Variants in ADAMTS14 observed in about 807,000 individuals in gnomAD.
ADAMTS14 encodes ADAM metallopeptidase with thrombospondin type 1 motif 14, also known as A disintegrin and metalloproteinase with thrombospondin motifs 14.
A neutral mutation model predicts 128.6 loss-of-function variants in ADAMTS14; 100 were observed. The ratio of observed to expected loss-of-function variants is 0.78; its 90% CI spans 0.66 to 0.92. The LOEUF (loss-of-function observed/expected upper bound fraction) is 0.92, where lower values mean the gene tolerates loss of function less well. Among genes scored for constraint, ADAMTS14 ranks in the 40% least tolerant of loss-of-function variants. The pLI is 0.00. For synonymous variants in ADAMTS14, 665 were observed against 653.8 expected (o/e 1.02, Z -0.26); for missense variants, 1,562 against 1,658.6 (o/e 0.94, Z 1.01).
intron 2 of ADAMTS14, among the ~76,000 whole-genome samples, chr10:70,678,091 C>T (rs1038711345): frequency 5.9e-5 from 9 of 152,212 alleles, no homozygotes; most frequent in Admixed American, 4.6e-4. Flanking sequence ...GGCCCAGACA[C>T]AGCATGCATA....
At chr10:70,714,760 C>G (rs1238426791) in intron 4 of ADAMTS14, among the ~76,000 whole-genome samples, 1 of 151,840 alleles carries the variant, frequency 6.6e-6, no homozygotes, top group East Asian at 1.9e-4. Flanking sequence ...CCAGCCTGAC[C>G]AATATGGCGA....
intron 4 of ADAMTS14, among the ~76,000 whole-genome samples, chr10:70,718,578 G>A (rs981490618): frequency 1.3e-5 from 2 of 151,850 alleles, no homozygotes; most frequent in African/African-American, 4.8e-5. Flanking sequence ...TAGTGATGGG[G>A]ATTCGCTGTG....
At chr10:70,708,919 GCTC>G in intron 4 of ADAMTS14, 141 bp downstream of exon 4, 1 of 667,380 alleles carries the variant, frequency 1.5e-6, no homozygotes, top group South Asian at 3.6e-5. Flanking sequence ...GTCATTGCTT[GCTC>G]CTTAGCCCAG....
intron 1 of ADAMTS14, 87 bp from the exon 2 acceptor site, chr10:70,674,469 T>C: frequency 5.1e-6 from 7 of 1,365,746 alleles, no homozygotes; most frequent in Non-Finnish European, 6.1e-6. Context: ...TGAGAGTTCC[T>C]ATCCCTCCCT....
chr10:70,690,680 G>A lies in ADAMTS14; in HGVS notation c.523-11632G>A, dbSNP rs144496232. On this transcript the variant is annotated intron_variant, in intron 2 of 21. Transcript: ENST00000373207. Reference sequence around the variant, plus strand: ...TCGGAGGGGAGGCCTGGCTGGGACAGTGACCTGTGGGGCCCTCTCTTGGGC... The same window carrying A: ...TCGGAGGGGAGGCCTGGCTGGGACAATGACCTGTGGGGCCCTCTCTTGGGC... Among the ~76,000 whole-genome samples the A allele has an allele frequency of 1.1e-3, 157 of 145,364 alleles. 24 individuals are homozygous for A. Among genetic ancestry groups the A allele is most frequent in the Non-Finnish European group, 1.7e-3 (110 of 63,476 alleles).
rs1315253419 is a variant in ADAMTS14 at position 70,735,235 on chromosome 10, G to C, written c.1419G>C (p.Gly473=). Reference sequence around the variant, plus strand: ...GGCCCCAGCCCCCAGAGCTGCCTGGGATCAACTACTCAATGGATGAGCAGT... The same window carrying C: ...GGCCCCAGCCCCCAGAGCTGCCTGGCATCAACTACTCAATGGATGAGCAGT... ...PAWPQPPELP[G]INYSMDEQCR... Residue 473 remains glycine, a synonymous_variant, in exon 9 of 22, where the codon GGG becomes GGC. Transcript: ENST00000373207. 1 of 1,614,082 alleles carries C rather than the reference G, an allele frequency of 6.2e-7. No homozygotes were observed. Among genetic ancestry groups the C allele is most frequent in the Admixed American group, 1.7e-5 (1 of 60,014 alleles).
Position 70,749,947 on chromosome 10 carries a change from A to G in ADAMTS14, c.2389A>G (p.Lys797Glu), listed in dbSNP as rs755528290. 2.5e-6 allele frequency: 4 copies of G among 1,614,098 alleles called. No homozygotes were observed. In the South Asian group the frequency reaches 4.4e-5, roughly 18 times the overall value. The change falls in exon 16 of 22, where the codon AAG (lysine) becomes GAG (glutamate). Residue 797 changes from lysine (K) to glutamate (E), a missense_variant. Transcript: ENST00000373207. Reference protein sequence around the residue: ...DAVEDAKESLKTSGPLPEAIA... With the variant: ...DAVEDAKESLETSGPLPEAIA... ...GGTGGAGGATGCCAAGGAAAGCCTC[A>G]AGACCAGCGGGCCCCTGCCTGAAGC...
intron 5 of ADAMTS14, 61 bp from the exon 6 acceptor site, chr10:70,730,041 C>A: frequency 6.6e-7 from 1 of 1,517,090 alleles, no homozygotes. Flanking sequence ...AGGAGAGAGG[C>A]CTGCTGTTTC....
At chr10:70,691,793 C>T (rs561683213) in intron 2 of ADAMTS14, among the ~76,000 whole-genome samples, 2 of 152,138 alleles carry the variant, frequency 1.3e-5, no homozygotes, top group Admixed American at 6.5e-5. Context: ...AAGTAAGAGG[C>T]GTGCGGTAAC....
chr10:70,760,268 C>T lies in ADAMTS14; in HGVS notation c.3179-92C>T, dbSNP rs909237392. 5.4e-6 allele frequency: 8 copies of T among 1,468,338 alleles called. No homozygotes were observed. The Admixed American group carries it at 6.8e-5, about 12-fold the overall frequency. 91.0% of individuals were successfully genotyped at this position (1,468,338 alleles called of 1,614,324 possible). On this transcript the variant is annotated intron_variant, in intron 21 of 21. Coordinates refer to ENST00000373207, the MANE Select transcript of ADAMTS14 (RefSeq NM_080722.4). ...GTCCAGCAGGGGCAGGGGTGGAGGG[C>T]GGGCAGTCAGTGGGTAAGTGGGAGG... is the stretch of plus-strand genomic sequence containing the variant.
At chr10:70,719,318 T>C (rs1176227439) in intron 4 of ADAMTS14, among the ~76,000 whole-genome samples, 1 of 151,920 alleles carries the variant, frequency 6.6e-6, no homozygotes, top group African/African-American at 2.4e-5. Context: ...GAGAGTTTTA[T>C]GGTTCACACA....
chr10:70,743,555 G>A lies in ADAMTS14; in HGVS notation c.1932G>A (p.Gln644=). 6.2e-7 allele frequency: 1 copy of A among 1,612,168 alleles called. No homozygotes were observed. Among genetic ancestry groups the A allele is most frequent in the South Asian group, 1.1e-5 (1 of 90,856 alleles). Residue 644 remains glutamine (Q), a synonymous_variant, in exon 13 of 22, where the codon CAG becomes CAA. Transcript: ENST00000373207. ...TAGTCCCTCTCCCTACAGACGCCCA[G>A]AAGTGTGAGCTGATCTGCCAGTCGG... is the stretch of plus-strand genomic sequence containing the variant. ...WVPYEPDDDA[Q]KCELICQSAD... is the part of the protein sequence containing the mutation.
chr10:70,699,848 G>A (rs1840442377), intron 2 of ADAMTS14, among the ~76,000 whole-genome samples: 1 of 152,100 alleles, frequency 6.6e-6, no homozygotes, highest in South Asian at 2.1e-4. Flanking sequence ...TGGAGAGTTC[G>A]CCCTCTGCTA....
At chr10:70,687,879 C>T (rs1397884231) in intron 2 of ADAMTS14, among the ~76,000 whole-genome samples, 3 of 85,262 alleles carry the variant, frequency 3.5e-5, no homozygotes, top group Non-Finnish European at 7.4e-5. Flanking sequence ...CCCCCCACCT[C>T]CCTCCTGGAC....
chr10:70,672,809 C>T lies in ADAMTS14; in HGVS notation c.7C>T (p.Pro3Ser). The part of the protein sequence containing the change: MA[P>S]LRALLSYLLP... ...CGCGTCCCAGCGCGGCCACATGGCT[C>T]CACTCCGCGCGCTGCTGTCCTACCT... is the stretch of plus-strand genomic sequence containing the variant. Residue 3 changes from proline (P) to serine (S), a missense_variant, in exon 1 of 22, where the codon CCA (proline) becomes TCA (serine). By Grantham distance (74) the Pro-to-Ser change is moderately conservative. Transcript: ENST00000373207. The T allele has an allele frequency of 6.6e-7, 1 of 1,510,480 alleles. No homozygotes were observed. The highest frequency in any genetic ancestry group is 8.8e-7 in the Non-Finnish European group (1 of 1,133,662). 93.6% of individuals were successfully genotyped at this position (1,510,480 alleles called of 1,614,324 possible).
chr10:70,731,874 C>A (rs1479817063), intron 6 of ADAMTS14, among the ~76,000 whole-genome samples: 1 of 152,096 alleles, frequency 6.6e-6, no homozygotes, highest in Non-Finnish European at 1.5e-5. Context: ...TCCTGTTTTC[C>A]CCCTGGTACC....
Position 70,674,754 on chromosome 10 carries a change from G to A in ADAMTS14, c.281G>A (p.Gly94Glu). ...RVARSPLHPGGTLWPGRVGRH... is the reference protein window; with the variant it reads ...RVARSPLHPGETLWPGRVGRH... Reference sequence around the variant, plus strand: ...GCTCGCAGCCCTCTGCACCCAGGAGGGACCCTGTGGCCTGGCAGGGTGGGG... The same window carrying A: ...GCTCGCAGCCCTCTGCACCCAGGAGAGACCCTGTGGCCTGGCAGGGTGGGG... Residue 94 changes from glycine (G) to glutamate (E), a missense_variant, in exon 2 of 22, where the codon GGG becomes GAG. Physicochemically the swap from Gly to Glu is moderately conservative, Grantham distance 98. Transcript: ENST00000373207. 2 of 1,613,450 alleles carry A rather than the reference G, an allele frequency of 1.2e-6. No homozygotes were observed. Among genetic ancestry groups the A allele is most frequent in the Non-Finnish European group, 1.7e-6 (2 of 1,179,958 alleles).
rs1281366021 is a variant in ADAMTS14, at chr10:70,740,974, G to A, written c.1749-13G>A. 6.2e-7 allele frequency: 1 copy of A among 1,612,542 alleles called. No individual in the cohort carries two copies. Among genetic ancestry groups the A allele is most frequent in the Non-Finnish European group, 8.5e-7 (1 of 1,178,940 alleles). On this transcript the variant is annotated splice_polypyrimidine_tract_variant and intron_variant, in intron 11 of 21. Coordinates refer to ENST00000373207, the MANE Select transcript of ADAMTS14 (RefSeq NM_080722.4). ...AGCCAGCAAGGTCATCCATTTCTCTGTGTCTGTCCCAGCCCAGCCTATGGA... is the reference window on the plus strand; with the variant it reads ...AGCCAGCAAGGTCATCCATTTCTCTATGTCTGTCCCAGCCCAGCCTATGGA...
intron 2 of ADAMTS14, among the ~76,000 whole-genome samples, chr10:70,690,424 G>A (rs1480431481): frequency 6.9e-6 from 1 of 144,916 alleles, no homozygotes; most frequent in African/African-American, 2.4e-5. Context: ...GGGTCATTGT[G>A]TCATCAGGAG....
Sources: allele counts gnomAD v4.1 joint callset (sites outside exome capture counted in the v4.1 genomes callset), GRCh38; gene constraint gnomAD v4.1.1; transcripts MANE v1.5; gene names NCBI Gene and HGNC (gene_info 2026-07-23, HGNC 2026-07-21).